The following THG1L variants were observed in gnomAD, a reference collection of about 807,000 sequenced individuals.
The protein encoded by THG1L is tRNA-histidine guanylyltransferase 1 like.
THG1L carries 27 observed loss-of-function variants against 35.2 expected under a neutral mutation model. The ratio of observed to expected loss-of-function variants is 0.77; its 90% CI spans 0.57 to 1.06. THG1L has a LOEUF of 1.06. Among genes scored for constraint, THG1L ranks in the 50% least tolerant of loss-of-function variants. THG1L has a pLI of 0.00. For missense variants in THG1L, 377 were observed against 371.8 expected (o/e 1.01, Z -0.12); for synonymous variants, 135 against 132.4 (o/e 1.02, Z -0.14).
intron 4 of THG1L, 53 bp downstream of exon 4, chr5:157,735,987 T>A (rs1432034206): frequency 8.1e-7 from 1 of 1,233,636 alleles, no homozygotes; most frequent in Non-Finnish European, 1.2e-6. Flanking sequence ...CGCTGTAGGC[T>A]CTCCCATAAC....
intron 2 of THG1L, among the ~76,000 whole-genome samples, chr5:157,734,127 C>T (rs369370732): frequency 2.6e-4 from 40 of 152,202 alleles, no homozygotes; most frequent in African/African-American, 9.6e-4. Context: ...ATGACTCACG[C>T]CTGTAATCCC....
At chr5:157,738,407 A>G (rs1760939507) in intron 5 of THG1L, among the ~76,000 whole-genome samples, 1 of 152,206 alleles carries the variant, frequency 6.6e-6, no homozygotes, top group African/African-American at 2.4e-5. Context: ...GACAATGTAT[A>G]TGAGGGTTTG....
intron 4 of THG1L, among the ~76,000 whole-genome samples, chr5:157,736,839 G>A (rs1477437126): frequency 1.3e-5 from 2 of 152,190 alleles, no homozygotes; most frequent in Non-Finnish European, 2.9e-5. Context: ...ACACAGAATC[G>A]TATGAAGCAC....
intron 5 of THG1L, 149 bp downstream of exon 5, chr5:157,738,143 A>G (rs980834476): frequency 9.5e-6 from 6 of 633,986 alleles, no homozygotes; most frequent in Non-Finnish European, 1.1e-5. Context: ...ATAGATTCTT[A>G]TTTTTAATGT....
At chr5:157,735,061 C>A (rs1417448629) in intron 3 of THG1L, among the ~76,000 whole-genome samples, 2 of 151,990 alleles carry the variant, frequency 1.3e-5, no homozygotes, top group African/African-American at 4.8e-5. Flanking sequence ...CCTCAGCCTC[C>A]CGAGTAGCTG....
chr5:157,732,233 AAAAAAAAAAAAGAG>A (rs1393605440), intron 1 of THG1L, among the ~76,000 whole-genome samples: 7 of 118,482 alleles, frequency 5.9e-5, no homozygotes, highest in African/African-American at 2.1e-4. Context: ...AAAAAAAAAA[AAAAAAAAAAAAGAG>A]AGAGAGAGAG....
chr5:157,733,488 G>T (rs1581438481), intron 2 of THG1L, among the ~76,000 whole-genome samples: 1 of 152,042 alleles, frequency 6.6e-6, no homozygotes, highest in South Asian at 2.1e-4. Flanking sequence ...TAATGAATTG[G>T]TTTTTTCTTT....
intron 4 of THG1L, among the ~76,000 whole-genome samples, chr5:157,736,551 C>A (rs1760893913): frequency 6.6e-6 from 1 of 152,198 alleles, no homozygotes; most frequent in Non-Finnish European, 1.5e-5. Context: ...AGCCACCACA[C>A]CTGGCCAGCA....
chr5:157,732,117 G>C (rs993777317), intron 1 of THG1L, among the ~76,000 whole-genome samples: 2 of 151,298 alleles, frequency 1.3e-5, no homozygotes, highest in African/African-American at 4.9e-5. Flanking sequence ...GGCTGGGCGC[G>C]GGAGGCAGGA....
intron 4 of THG1L, 52 bp downstream of exon 4, chr5:157,735,986 C>A (rs776256094): frequency 1.9e-5 from 24 of 1,237,780 alleles, no homozygotes; most frequent in Non-Finnish European, 2.5e-5. Context: ...TCGCTGTAGG[C>A]TCTCCCATAA....
In THG1L at chr5:157,737,955, G is replaced by A. The variant is rs776401303; in HGVS notation, c.696G>A (p.Leu232=). 1 of 1,613,182 alleles carries A rather than the reference G, an allele frequency of 6.2e-7. No individual in the cohort carries two copies. The highest frequency in any genetic ancestry group is 2.2e-5 in the East Asian group (1 of 44,832). The change falls in exon 5 of 6, where the codon CTG becomes CTA. Residue 232 remains leucine, a synonymous_variant. Transcript: ENST00000231198. ...SEFNINYNNE[L]PMYRKGTVLI... The stretch of plus-strand genomic sequence containing the variant: ...TCAACATCAACTATAATAATGAGCT[G>A]CCGATGTATAGGAAAGGGACTGTGT...
rs1413866773 is a variant in THG1L at position 157,731,428 on chromosome 5, T to C, written c.-13T>C. The C allele has an allele frequency of 6.3e-7, 1 of 1,576,064 alleles. No individual in the cohort carries two copies. Among genetic ancestry groups the C allele is most frequent in the East Asian group, 2.3e-5 (1 of 44,246 alleles). On this transcript the variant is annotated 5_prime_UTR_variant, in exon 1 of 6. Coordinates refer to ENST00000231198, the MANE Select transcript of THG1L (RefSeq NM_017872.5). ...GGGCGGGGCTATCTGGCCCTTTCCT[T>C]TCCGCGTGTAGAATGTGGGGCGCCT...
intron 5 of THG1L, among the ~76,000 whole-genome samples, 163 bp from the exon 6 acceptor site, chr5:157,739,154 CACAT>C (rs1409907116): frequency 4.6e-5 from 7 of 152,036 alleles, no homozygotes; most frequent in African/African-American, 7.2e-5. Context: ...TATATATACA[CACAT>C]ACATATATGC....
Position 157,732,963 on chromosome 5 carries a change from A to T in THG1L, c.287A>T (p.Asp96Val), listed in dbSNP as rs139588885. 6.0e-4 allele frequency: 973 copies of T among 1,614,194 alleles called. No homozygotes were observed. The highest frequency in any genetic ancestry group is 8.2e-4 in the Admixed American group (49 of 60,018). The change falls in exon 2 of 6, where the codon GAT becomes GTT. Residue 96 changes from aspartate to valine, a missense_variant. Asp to Val is a radical substitution (Grantham distance 152). Transcript: ENST00000231198. The part of the protein sequence containing the change: ...CAQTVMEELE[D>V]IVIAYGQSDE... The stretch of plus-strand genomic sequence containing the variant: ...CAGACTGTGATGGAAGAACTAGAGG[A>T]TATTGTGATCGCGTATGGACAGAGT...
chr5:157,738,880 A>C (rs1197539654), intron 5 of THG1L: 1 of 178,390 alleles, frequency 5.6e-6, no homozygotes, highest in African/African-American at 2.5e-5. Flanking sequence ...GCCGGAGTAC[A>C]GTGGTGCCAT....
intron 1 of THG1L, among the ~76,000 whole-genome samples, chr5:157,732,560 G>A (rs1183349315): frequency 6.6e-6 from 1 of 152,184 alleles, no homozygotes; most frequent in African/African-American, 2.4e-5. Flanking sequence ...GCACTTACTA[G>A]GAGCTAGGTA....
chr5:157,733,784 C>G (rs1455131591), intron 2 of THG1L, among the ~76,000 whole-genome samples: 1 of 151,980 alleles, frequency 6.6e-6, no homozygotes, highest in Non-Finnish European at 1.5e-5. Flanking sequence ...CCAGCCTGGG[C>G]AAGATGGTGA....
intron 1 of THG1L, among the ~76,000 whole-genome samples, chr5:157,731,999 C>T (rs1348512474): frequency 1.3e-5 from 2 of 152,046 alleles, no homozygotes; most frequent in Non-Finnish European, 2.9e-5. Context: ...GCTGACTGTT[C>T]AGAAGTCTGT....
chr5:157,736,586 G>A (rs1561613447), intron 4 of THG1L, among the ~76,000 whole-genome samples: 2 of 152,102 alleles, frequency 1.3e-5, no homozygotes, highest in African/African-American at 4.8e-5. Flanking sequence ...GTCCCACCAC[G>A]CCTCTTCCCT....
Sources: gnomAD v4.1 joint callset for allele counts (sites outside exome capture counted in the v4.1 genomes callset) on GRCh38, gnomAD v4.1.1 for gene constraint, MANE v1.5 for transcripts, NCBI Gene and HGNC (gene_info 2026-07-23, HGNC 2026-07-21) for gene names.